The following TTC23 variants were observed in gnomAD, a reference collection of about 807,000 sequenced individuals.
The protein encoded by TTC23 is tetratricopeptide repeat protein 23.
In TTC23, 58 loss-of-function variants were observed where a neutral mutation model predicts 55.1. The ratio of observed to expected loss-of-function variants is 1.05; its 90% CI spans 0.85 to 1.31. TTC23 has a LOEUF of 1.31. Ranked by LOEUF, TTC23 falls within the 50% of genes most tolerant of loss-of-function variation. The probability of loss-of-function intolerance (pLI) is 0.00; values close to 1 mark genes in which losing one functional copy is unlikely to be tolerated. For synonymous variants in TTC23, 203 were observed against 199.9 expected (o/e 1.02, Z -0.13); for missense variants, 516 against 534.4 (o/e 0.97, Z 0.34).
intron 12 of TTC23, among the ~76,000 whole-genome samples, chr15:99,152,190 T>C (rs2069864612): frequency 6.6e-6 from 1 of 152,150 alleles, no homozygotes; most frequent in Admixed American, 6.5e-5. Flanking sequence ...CATTCTCTCT[T>C]GCTCCTGCTT....
chr15:99,246,908 C>T (rs1017523517), intron 1 of TTC23, among the ~76,000 whole-genome samples: 8 of 151,926 alleles, frequency 5.3e-5, no homozygotes, highest in African/African-American at 9.7e-5. Context: ...AGCGACAAAG[C>T]GAGACCCAGT....
chr15:99,194,356 C>T lies in TTC23; in HGVS notation c.759+5563G>A, dbSNP rs562969405. Among the ~76,000 whole-genome samples, 3 of 151,924 alleles carry T rather than the reference C, an allele frequency of 2.0e-5. No individual in the cohort carries two copies. The South Asian group carries it at 6.3e-4, about 32-fold the overall frequency. On this transcript the variant is annotated intron_variant, in intron 9 of 13. Coordinates refer to ENST00000394132, the MANE Select transcript of TTC23 (RefSeq NM_001288615.3). Reference sequence around the variant, plus strand: ...TGATACTACCCAACTTGAAGACTTACAATAAAGCTACAGTAATTAAGACAG... The same window carrying T: ...TGATACTACCCAACTTGAAGACTTATAATAAAGCTACAGTAATTAAGACAG...
intron 5 of TTC23, 107 bp from the exon 6 acceptor site, chr15:99,221,971 G>A (rs2077974275): frequency 1.5e-6 from 2 of 1,305,998 alleles, no homozygotes; most frequent in South Asian, 2.8e-5. Flanking sequence ...TGACTACTAT[G>A]TGCAAAACAT....
chr15:99,226,202 C>T (rs182487594), intron 5 of TTC23, among the ~76,000 whole-genome samples: 132 of 152,202 alleles, frequency 8.7e-4, no homozygotes, highest in South Asian at 1.2e-3. Context: ...CTGTAAAGGA[C>T]ATTATTAAGA....
intron 9 of TTC23, among the ~76,000 whole-genome samples, chr15:99,199,388 T>C (rs1189889611): frequency 1.6e-5 from 2 of 121,788 alleles, no homozygotes; most frequent in East Asian, 4.5e-4. Context: ...GGCAACATGA[T>C]GAAACCCTGT....
At chr15:99,201,144 T>C (rs183520787) in intron 8 of TTC23, among the ~76,000 whole-genome samples, 8 of 152,352 alleles carry the variant, frequency 5.3e-5, no homozygotes, top group South Asian at 4.1e-4. Context: ...CCCAAACTTC[T>C]ATGAAAATGT....
At chr15:99,205,965 T>C (rs993506309) in intron 8 of TTC23, among the ~76,000 whole-genome samples, 1 of 152,206 alleles carries the variant, frequency 6.6e-6, no homozygotes, top group African/African-American at 2.4e-5. Flanking sequence ...TGGCTTTTAT[T>C]ACATTGTGGT....
At chr15:99,221,306 G>A (rs919442512) in intron 6 of TTC23, among the ~76,000 whole-genome samples, 1 of 152,164 alleles carries the variant, frequency 6.6e-6, no homozygotes, top group Admixed American at 6.5e-5. Flanking sequence ...TTTTTAAGTT[G>A]TATGAGCCAA....
chr15:99,163,698 T>G (rs1171831746), intron 10 of TTC23, among the ~76,000 whole-genome samples: 1 of 152,240 alleles, frequency 6.6e-6, no homozygotes, highest in African/African-American at 2.4e-5. Context: ...AATTAAGTCA[T>G]GAGGATGGCA....
At chr15:99,237,789 T>G (rs1041250374) in intron 3 of TTC23, among the ~76,000 whole-genome samples, 1 of 152,164 alleles carries the variant, frequency 6.6e-6, no homozygotes, top group African/African-American at 2.4e-5. Context: ...TGTACACATA[T>G]GCCCAAACTT....
intron 10 of TTC23, among the ~76,000 whole-genome samples, chr15:99,169,602 C>T (rs1226540855): frequency 6.6e-6 from 1 of 152,100 alleles, no homozygotes; most frequent in Non-Finnish European, 1.5e-5. Context: ...GTGGGGAGGG[C>T]CCAGCACTGG....
chr15:99,218,961 T>A lies in TTC23; in HGVS notation c.392A>T (p.Asp131Val). The A allele has an allele frequency of 6.2e-7, 1 of 1,614,208 alleles. No homozygotes were observed. The change falls in exon 7 of 14, where the codon GAT becomes GTT. Residue 131 changes from aspartate to valine, a missense_variant. Physicochemically the swap from Asp to Val is radical, Grantham distance 152. Transcript: ENST00000394132. Reference protein sequence around the residue: ...SIVPPYSENTDVFKFSIELFH... With the variant: ...SIVPPYSENTVVFKFSIELFH... ...AAGCTCAATGGAAAACTTGAAAACA[T>A]CTGTATTCTCACTATAGGGAGGCAC...
At chr15:99,138,202 C>T (rs540427233) in intron 13 of TTC23, 75 bp from the exon 14 acceptor site, 36 of 1,575,650 alleles carry the variant, frequency 2.3e-5, no homozygotes, top group Non-Finnish European at 3.1e-5. Flanking sequence ...GCCTTTGCTG[C>T]CCAGCAGGTG....
At chr15:99,156,794 A>T (rs941988210) in intron 11 of TTC23, among the ~76,000 whole-genome samples, 9 of 152,214 alleles carry the variant, frequency 5.9e-5, no homozygotes, top group Non-Finnish European at 1.0e-4. Flanking sequence ...TGGTTGAACA[A>T]GAGTCAGGAA....
At chr15:99,218,134 T>C (rs1322708430) in intron 8 of TTC23, among the ~76,000 whole-genome samples, 1 of 152,192 alleles carries the variant, frequency 6.6e-6, no homozygotes, top group Non-Finnish European at 1.5e-5. Context: ...GTTTATTTGG[T>C]GAGTATGGAG....
At chr15:99,231,430 G>A (rs531014879) in intron 4 of TTC23, among the ~76,000 whole-genome samples, 2 of 152,330 alleles carry the variant, frequency 1.3e-5, no homozygotes, top group African/African-American at 2.4e-5. Flanking sequence ...ACATGGAGGT[G>A]GAAGGCAGTG....
Position 99,228,664 on chromosome 15 carries a change from C to T in TTC23, c.49G>A (p.Val17Ile), listed in dbSNP as rs562314039. ...CTATGAGTGATGCTAACAGCAGCAACAACTTCATCTAGGTGGTTGGATATG... is the reference window on the plus strand; with the variant it reads ...CTATGAGTGATGCTAACAGCAGCAATAACTTCATCTAGGTGGTTGGATATG... The part of the protein sequence containing the change: ...THISNHLDEV[V>I]AAVSITHRKK... The change falls in exon 5 of 14, where the codon GTT becomes ATT. Residue 17 changes from valine (V) to isoleucine (I), a missense_variant. Val to Ile is a conservative substitution (Grantham distance 29). Transcript: ENST00000394132. The T allele has an allele frequency of 3.3e-5, 54 of 1,613,546 alleles. No homozygotes were observed. The highest frequency in any genetic ancestry group is 4.1e-5 in the Non-Finnish European group (48 of 1,179,668).
Position 99,230,020 on chromosome 15 carries a change from C to A in TTC23, c.-20-1288G>T, listed in dbSNP as rs143970230. Among the ~76,000 whole-genome samples, 5 of 152,268 alleles carry A rather than the reference C, an allele frequency of 3.3e-5. No individual in the cohort carries two copies. In the East Asian group the frequency reaches 9.6e-4, roughly 29 times the overall value. On this transcript the variant is annotated intron_variant, in intron 4 of 13. Coordinates refer to ENST00000394132, the MANE Select transcript of TTC23 (RefSeq NM_001288615.3). ...CCTAACGAGGTAAAATTCACAAAGT[C>A]TAGCATCCAAAGATTACCAAGCATC...
At chr15:99,153,479 ATT>A (rs2070123753) in intron 12 of TTC23, among the ~76,000 whole-genome samples, 1 of 152,190 alleles carries the variant, frequency 6.6e-6, no homozygotes, top group African/African-American at 2.4e-5. Context: ...AAAATACTCG[ATT>A]TATAGGATAG....
Sources: allele counts gnomAD v4.1 joint callset (sites outside exome capture counted in the v4.1 genomes callset), GRCh38; gene constraint gnomAD v4.1.1; transcripts MANE v1.5; gene names NCBI Gene and HGNC (gene_info 2026-07-23, HGNC 2026-07-21).